GRM5: variants seen among roughly 807,000 people sequenced by gnomAD.
GRM5 encodes metabotropic glutamate receptor 5.
Under a neutral mutation model 83.1 loss-of-function variants are expected in GRM5, and 19 were observed. The observed-to-expected ratio is 0.23, with a 90% CI of 0.16 to 0.34. GRM5 has a LOEUF of 0.34. GRM5 is among the 10% of genes least tolerant of loss of function. GRM5 has a pLI of 1.00. For missense variants in GRM5, 1,160 were observed against 1,588.3 expected, an observed-to-expected ratio of 0.73 and a Z score of 4.58; for synonymous variants, 675 against 633.6, an observed-to-expected ratio of 1.07 and a Z score of -0.98.
At chr11:88,596,974 C>G (rs772061773) in intron 6 of GRM5, among the ~76,000 whole-genome samples, 1 of 152,056 alleles carries the variant, frequency 6.6e-6, no homozygotes, top group African/African-American at 2.4e-5. Flanking sequence ...TGTGGGCAAA[C>G]ATGACTCATC....
At chr11:88,866,876 T>C (rs898382462) in intron 2 of GRM5, among the ~76,000 whole-genome samples, 2 of 152,172 alleles carry the variant, frequency 1.3e-5, no homozygotes, top group Non-Finnish European at 2.9e-5. Context: ...ATGAATTAAT[T>C]TCTGTAAAAG....
chr11:88,796,073 T>G (rs1401617421), intron 3 of GRM5, among the ~76,000 whole-genome samples: 1 of 152,220 alleles, frequency 6.6e-6, no homozygotes, highest in Non-Finnish European at 1.5e-5. Context: ...AGTGTACTAT[T>G]ACTGCTAGCA....
chr11:88,607,497 A>G (rs902060883), intron 4 of GRM5, among the ~76,000 whole-genome samples: 4 of 152,206 alleles, frequency 2.6e-5, no homozygotes, highest in African/African-American at 9.6e-5. Context: ...CCTGCACTCC[A>G]GCCTGTTTTT....
At chr11:88,827,670 CTT>C (rs1477847695) in intron 3 of GRM5, among the ~76,000 whole-genome samples, 1 of 152,124 alleles carries the variant, frequency 6.6e-6, no homozygotes, top group Admixed American at 6.6e-5. Flanking sequence ...AAATGAGAAA[CTT>C]TAAAAAATCC....
At chr11:88,523,614 A>G (rs2135103616) in intron 9 of GRM5, among the ~76,000 whole-genome samples, 1 of 152,256 alleles carries the variant, frequency 6.6e-6, no homozygotes, top group Non-Finnish European at 1.5e-5. Context: ...GATACACCAA[A>G]GTACACACAT....
At position 88,720,796 on chromosome 11, in the gene GRM5, CTG is replaced by C. The variant is rs748475378; in HGVS notation, c.912-67395_912-67394del. Among the ~76,000 whole-genome samples the C allele has an allele frequency of 6.6e-4, 93 of 141,752 alleles. 1 individual carries two copies. The East Asian group carries it at 8.4e-3, about 13-fold the overall frequency. 93.0% of individuals were successfully genotyped at this position (141,752 alleles called of 152,430 possible). ...ACAGGTTTGCAGGAAAATCATTACT[CTG>C]TGTGTGTGTGTGTGTGTGTGTGCGT... On this transcript the variant is annotated intron_variant, in intron 3 of 9. Coordinates refer to ENST00000305447, the MANE Select transcript of GRM5 (RefSeq NM_001143831.3).
chr11:89,035,673 C>T (rs547730136), intron 2 of GRM5, among the ~76,000 whole-genome samples: 24 of 151,758 alleles, frequency 1.6e-4, no homozygotes, highest in African/African-American at 3.6e-4. Context: ...AATAACAGCA[C>T]GAAAATCCAC....
intron 8 of GRM5, among the ~76,000 whole-genome samples, chr11:88,548,565 A>G (rs994145228): frequency 4.6e-5 from 7 of 152,320 alleles, no homozygotes; most frequent in African/African-American, 7.2e-5. Flanking sequence ...ATATACTTCA[A>G]TTATTACGGA....
At chr11:88,997,973 T>C (rs56868665) in intron 2 of GRM5, among the ~76,000 whole-genome samples, 14,446 of 151,516 alleles carry the variant, frequency 0.095, 2,243 homozygotes, top group African/African-American at 0.33. Flanking sequence ...ACATTCATGA[T>C]ACCAAAACCA....
chr11:88,546,962 A>G (rs1217123577), intron 8 of GRM5, among the ~76,000 whole-genome samples: 2 of 152,166 alleles, frequency 1.3e-5, no homozygotes, highest in Admixed American at 6.6e-5. Context: ...TTAGTTGGTC[A>G]GATGTATTGG....
At chr11:88,938,923 T>C (rs903081879) in intron 2 of GRM5, among the ~76,000 whole-genome samples, 4 of 151,796 alleles carry the variant, frequency 2.6e-5, no homozygotes, top group South Asian at 2.1e-4. Context: ...GGATGGATTC[T>C]AGTCCATATT....
At chr11:89,024,886 TAAAC>T (rs1245004395) in intron 2 of GRM5, among the ~76,000 whole-genome samples, 3 of 152,116 alleles carry the variant, frequency 2.0e-5, no homozygotes, top group Non-Finnish European at 4.4e-5. Flanking sequence ...AACTGACTGT[TAAAC>T]AAGTGAATAT....
intron 2 of GRM5, among the ~76,000 whole-genome samples, chr11:89,007,954 T>C (rs1292689201): frequency 6.6e-6 from 1 of 152,210 alleles, no homozygotes; most frequent in African/African-American, 2.4e-5. Context: ...AATGTATCTA[T>C]AATATAACTT....
intron 3 of GRM5, among the ~76,000 whole-genome samples, chr11:88,748,438 C>T (rs1942189393): frequency 6.6e-6 from 1 of 152,086 alleles, no homozygotes; most frequent in Admixed American, 6.6e-5. Context: ...TTGAGGTCTT[C>T]CTGAGATGGG....
intron 2 of GRM5, among the ~76,000 whole-genome samples, chr11:88,871,846 T>C (rs1944773119): frequency 6.6e-6 from 1 of 151,522 alleles, no homozygotes; most frequent in East Asian, 1.9e-4. Flanking sequence ...CTCTTAAATA[T>C]CTTGTAATCC....
intron 3 of GRM5, among the ~76,000 whole-genome samples, chr11:88,791,270 T>A (rs1380908354): frequency 6.6e-6 from 1 of 152,062 alleles, no homozygotes; most frequent in Non-Finnish European, 1.5e-5. Context: ...TTACGAAAAA[T>A]GCACTGGAAA....
At chr11:88,741,112 A>G (rs1425858805) in intron 3 of GRM5, among the ~76,000 whole-genome samples, 1 of 152,088 alleles carries the variant, frequency 6.6e-6, no homozygotes, top group Admixed American at 6.6e-5. Flanking sequence ...CGGCAACCAC[A>G]GCTTAAGAGG....
intron 3 of GRM5, among the ~76,000 whole-genome samples, chr11:88,750,789 T>C (rs1475481834): frequency 6.6e-6 from 1 of 151,966 alleles, no homozygotes. Context: ...ACCACACACC[T>C]ACATGAAAAT....
intron 2 of GRM5, among the ~76,000 whole-genome samples, chr11:88,884,804 G>A (rs1945014917): frequency 6.6e-6 from 1 of 152,166 alleles, no homozygotes; most frequent in South Asian, 2.1e-4. Context: ...CTTGCCTGCT[G>A]CCACATAAGA....
Sources: allele counts gnomAD v4.1 joint callset (sites outside exome capture counted in the v4.1 genomes callset), GRCh38; gene constraint gnomAD v4.1.1; transcripts MANE v1.5; gene names NCBI Gene and HGNC (gene_info 2026-07-23, HGNC 2026-07-21).